PTPRM: variants seen among roughly 807,000 people sequenced by gnomAD.
The protein encoded by PTPRM is receptor-type tyrosine-protein phosphatase mu.
PTPRM carries 47 observed loss-of-function variants against 186.7 expected under a neutral mutation model. That is an observed-to-expected ratio of 0.25 (90% CI 0.20 to 0.32). The LOEUF is 0.32. PTPRM is among the 10% of genes least tolerant of loss of function. The probability of loss-of-function intolerance (pLI) is 1.00; values close to 1 mark genes in which losing one functional copy is unlikely to be tolerated. For missense variants in PTPRM, 1,494 were observed against 1,865.0 expected (o/e 0.80, Z 3.66); for synonymous variants, 668 against 674.9 (o/e 0.99, Z 0.16).
intron 3 of PTPRM, among the ~76,000 whole-genome samples, chr18:7,894,180 G>A (rs1296780169): frequency 2.0e-5 from 3 of 152,140 alleles, no homozygotes; most frequent in Non-Finnish European, 4.4e-5. Context: ...GCAAGAGCCC[G>A]TCTGCTTTTG....
At chr18:7,687,681 C>G (rs9960652) in intron 1 of PTPRM, among the ~76,000 whole-genome samples, 1 of 151,908 alleles carries the variant, frequency 6.6e-6, no homozygotes, top group African/African-American at 2.4e-5. Context: ...ACAGCAATAC[C>G]GTACCTCATA....
chr18:7,700,852 T>C (rs2039944211), intron 1 of PTPRM, among the ~76,000 whole-genome samples: 2 of 151,420 alleles, frequency 1.3e-5, no homozygotes, highest in Admixed American at 6.6e-5. Flanking sequence ...TATCTGGACA[T>C]GGTAGTGTAT....
chr18:8,279,561 C>T (rs932606330), intron 19 of PTPRM, among the ~76,000 whole-genome samples: 1 of 152,190 alleles, frequency 6.6e-6, no homozygotes. Context: ...GTGGAGCTGC[C>T]TCTAGGAGCA....
intron 1 of PTPRM, among the ~76,000 whole-genome samples, chr18:7,763,730 A>C (rs1292536618): frequency 6.6e-6 from 1 of 152,238 alleles, no homozygotes. Context: ...TGAGGGAAGT[A>C]CATTTAGTTG....
chr18:7,662,202 C>T (rs2038996183), intron 1 of PTPRM, among the ~76,000 whole-genome samples: 1 of 152,150 alleles, frequency 6.6e-6, no homozygotes, highest in Non-Finnish European at 1.5e-5. Flanking sequence ...TTCCAAAATG[C>T]TAGGGTTACA....
intron 2 of PTPRM, chr18:7,815,695 G>A (rs898538989): frequency 6.6e-6 from 1 of 151,964 alleles, no homozygotes; most frequent in African/African-American, 2.4e-5. Context: ...ATATATAGAT[G>A]CCCTGTCTTT....
At chr18:7,602,855 TAAGAG>T (rs2037437266) in intron 1 of PTPRM, among the ~76,000 whole-genome samples, 1 of 148,726 alleles carries the variant, frequency 6.7e-6, no homozygotes, top group African/African-American at 2.4e-5. Flanking sequence ...CTAAAAATAT[TAAGAG>T]AAAATATGAG....
intron 3 of PTPRM, among the ~76,000 whole-genome samples, chr18:7,892,907 C>A (rs1165301916): frequency 6.6e-6 from 1 of 152,162 alleles, no homozygotes; most frequent in Non-Finnish European, 1.5e-5. Flanking sequence ...TGAGGGCTGT[C>A]CCCTCGTCAC....
At chr18:8,250,970 C>A (rs2094522960) in intron 17 of PTPRM, among the ~76,000 whole-genome samples, 1 of 152,120 alleles carries the variant, frequency 6.6e-6, no homozygotes, top group Non-Finnish European at 1.5e-5. Context: ...TTCATAGCAG[C>A]ACACAAGAAG....
intron 1 of PTPRM, among the ~76,000 whole-genome samples, chr18:7,598,235 A>G (rs1788390259): frequency 6.6e-6 from 1 of 152,246 alleles, no homozygotes; most frequent in African/African-American, 2.4e-5. Context: ...CCTAAAACTC[A>G]AAATGTTTAT....
chr18:7,744,371 A>C (rs2040942857), intron 1 of PTPRM, among the ~76,000 whole-genome samples: 1 of 152,202 alleles, frequency 6.6e-6, no homozygotes, highest in Non-Finnish European at 1.5e-5. Flanking sequence ...TATTCTGTAA[A>C]GAGGCATGTC....
chr18:7,906,173 TCTGTGCC>T (rs1298810983), intron 3 of PTPRM, among the ~76,000 whole-genome samples: 5 of 152,156 alleles, frequency 3.3e-5, no homozygotes, highest in African/African-American at 1.2e-4. Flanking sequence ...CAAGTTGCCG[TCTGTGCC>T]AACTCACTAT....
chr18:7,894,910 T>G (rs2049273974), intron 3 of PTPRM, among the ~76,000 whole-genome samples: 1 of 152,358 alleles, frequency 6.6e-6, no homozygotes, highest in East Asian at 1.9e-4. Flanking sequence ...CATGTATACT[T>G]GAAATATTTA....
chr18:8,061,300 A>G (rs1295652958), intron 7 of PTPRM, among the ~76,000 whole-genome samples: 1 of 106,382 alleles, frequency 9.4e-6, no homozygotes, highest in East Asian at 2.4e-4. Context: ...TTTGTTTTCC[A>G]TTTGCTTGGT....
intron 7 of PTPRM, among the ~76,000 whole-genome samples, chr18:7,992,113 C>G (rs1177899588): frequency 6.6e-6 from 1 of 152,054 alleles, no homozygotes; most frequent in African/African-American, 2.4e-5. Context: ...AGTACCGTGC[C>G]CTGAGTGGGT....
intron 11 of PTPRM, among the ~76,000 whole-genome samples, chr18:8,112,842 C>A (rs977885201): frequency 2.0e-5 from 3 of 152,122 alleles, no homozygotes; most frequent in East Asian, 1.9e-4. Context: ...ATTCGAGGGG[C>A]CTTGTTCATT....
At chr18:7,782,954 G>T (rs2042926424) in intron 2 of PTPRM, among the ~76,000 whole-genome samples, 1 of 152,168 alleles carries the variant, frequency 6.6e-6, no homozygotes, top group Admixed American at 6.5e-5. Flanking sequence ...CTTACAAAAA[G>T]TAAGAATAGT....
chr18:8,155,546 G>A (rs146069594), intron 14 of PTPRM, among the ~76,000 whole-genome samples: 1,533 of 152,260 alleles, frequency 0.01, 14 homozygotes, highest in Non-Finnish European at 0.016. Flanking sequence ...TTAAACAGAT[G>A]TACATTTTGC....
intron 7 of PTPRM, among the ~76,000 whole-genome samples, chr18:8,018,617 T>G (rs1287473262): frequency 6.6e-6 from 1 of 152,080 alleles, no homozygotes; most frequent in African/African-American, 2.4e-5. Context: ...GAGTGTAAAT[T>G]GATGGGCAAA....
Sources: gnomAD v4.1 joint callset for allele counts (sites outside exome capture counted in the v4.1 genomes callset) on GRCh38, gnomAD v4.1.1 for gene constraint, MANE v1.5 for transcripts, NCBI Gene and HGNC (gene_info 2026-07-23, HGNC 2026-07-21) for gene names.